TEN1: variants seen among roughly 807,000 people sequenced by gnomAD.
The protein encoded by TEN1 is CST complex subunit TEN1.
Under a neutral mutation model 9.3 loss-of-function variants are expected in TEN1, and 6 were observed. The observed-to-expected ratio is 0.65, with a 90% CI of 0.35 to 1.27. The LOEUF (loss-of-function observed/expected upper bound fraction) is 1.27, where lower values mean the gene tolerates loss of function less well. Ranked by LOEUF, TEN1 falls within the 50% of genes most tolerant of loss-of-function variation. TEN1 has a pLI of 0.03. For synonymous variants in TEN1, 65 were observed against 65.6 expected (o/e 0.99, Z 0.04); for missense variants, 149 against 158.2 (o/e 0.94, Z 0.31).
intron 3 of TEN1, among the ~76,000 whole-genome samples, chr17:75,994,162 C>G (rs553914118): frequency 6.6e-6 from 1 of 151,770 alleles, no homozygotes; most frequent in Non-Finnish European, 1.5e-5. Context: ...TCGCTGGGCG[C>G]GGTGGCTCAC....
At chr17:75,994,827 A>G (rs1208859432) in intron 3 of TEN1, among the ~76,000 whole-genome samples, 1 of 152,106 alleles carries the variant, frequency 6.6e-6, no homozygotes, top group Non-Finnish European at 1.5e-5. Context: ...GGGAACTCGA[A>G]TCAAAGATGA....
At chr17:75,987,277 A>G (rs191062850) in intron 2 of TEN1, among the ~76,000 whole-genome samples, 1 of 152,350 alleles carries the variant, frequency 6.6e-6, no homozygotes, top group East Asian at 1.9e-4. Flanking sequence ...GACTGGGGCC[A>G]GGACCTCTAC....
At chr17:75,984,323 T>C (rs1473664134) in intron 1 of TEN1, among the ~76,000 whole-genome samples, 3 of 152,200 alleles carry the variant, frequency 2.0e-5, no homozygotes, top group Non-Finnish European at 2.9e-5. Flanking sequence ...TACAATGTGT[T>C]CCTTGTTCTG....
chr17:75,983,973 C>T (rs1443415839), intron 1 of TEN1, among the ~76,000 whole-genome samples: 2 of 152,114 alleles, frequency 1.3e-5, no homozygotes, highest in African/African-American at 4.8e-5. Flanking sequence ...GCTTGTGACC[C>T]CTGGAATAAT....
chr17:75,994,130 G>GT (rs1567898424), intron 3 of TEN1, among the ~76,000 whole-genome samples: 1 of 151,136 alleles, frequency 6.6e-6, no homozygotes, highest in South Asian at 2.1e-4. Context: ...TTTTTGTGGG[G>GT]TTTTTTCTTA....
Position 76,000,093 on chromosome 17 carries a change from T to C in TEN1, c.251-48T>C. 1 of 1,539,708 alleles carries C rather than the reference T, an allele frequency of 6.5e-7. No individual in the cohort carries two copies. Among genetic ancestry groups the C allele is most frequent in the African/African-American group, 1.4e-5 (1 of 72,980 alleles). ...CTGGAATGCACCTTGGAGGACGTTGTTGACACGCCGCTCAGTCGCCGTTCG... is the reference window on the plus strand; with the variant it reads ...CTGGAATGCACCTTGGAGGACGTTGCTGACACGCCGCTCAGTCGCCGTTCG... On this transcript the variant is annotated intron_variant, in intron 3 of 3. Transcript: ENST00000397640. This position sits in a 1 kb window ranked among gnomAD's most constrained non-coding sequence, Gnocchi z 5.9.
chr17:75,994,139 T>C (rs969421410), intron 3 of TEN1, among the ~76,000 whole-genome samples: 1 of 150,752 alleles, frequency 6.6e-6, no homozygotes, highest in African/African-American at 2.4e-5. Context: ...GGTTTTTTCT[T>C]AAAACATTTT....
chr17:75,989,131 GCTCT>G (rs2066170062), intron 2 of TEN1, among the ~76,000 whole-genome samples: 1 of 146,154 alleles, frequency 6.8e-6, no homozygotes, highest in African/African-American at 2.5e-5. Context: ...ACAGAGCCTT[GCTCT>G]GTTGCCCAGG....
At chr17:75,987,959 C>T (rs1263551961) in intron 2 of TEN1, among the ~76,000 whole-genome samples, 1 of 140,908 alleles carries the variant, frequency 7.1e-6, no homozygotes, top group East Asian at 2.1e-4. Flanking sequence ...TTTAACCTAG[C>T]CTGGGTGCGG....
rs906077513 is a variant in TEN1, at chr17:75,987,844, G to A, written c.92+1560G>A. ...AGGCAGGAGAATCGCTTAAACCTAG[G>A]AGGTGGAGGTTGCAGTGAGCTGAGA... On this transcript the variant is annotated intron_variant, in intron 2 of 3. Coordinates refer to ENST00000397640, the MANE Select transcript of TEN1 (RefSeq NM_001113324.3). Among the ~76,000 whole-genome samples the A allele has an allele frequency of 2.0e-4, 30 of 148,768 alleles. 1 individual carries two copies. The highest frequency in any genetic ancestry group is 1.8e-3 in the East Asian group (9 of 5,072).
intron 3 of TEN1, 116 bp downstream of exon 3, chr17:75,991,739 T>C: frequency 3.1e-6 from 4 of 1,271,334 alleles, no homozygotes; most frequent in Non-Finnish European, 4.2e-6. Flanking sequence ...TCAGGGTTAA[T>C]GTTTCTTCCA....
intron 1 of TEN1, among the ~76,000 whole-genome samples, chr17:75,981,063 TAG>T (rs1434182863): frequency 4.6e-5 from 7 of 152,352 alleles, no homozygotes; most frequent in African/African-American, 1.7e-4. Flanking sequence ...GGGGTGTACT[TAG>T]CATTGAATAG....
At position 75,994,157 on chromosome 17, in the gene TEN1, G is replaced by C. The variant is rs187581006; in HGVS notation, c.250+2534G>C. On this transcript the variant is annotated intron_variant, in intron 3 of 3. Transcript: ENST00000397640. ...TTTTTCTTAAAACATTTTTGTCGCT[G>C]GGCGCGGTGGCTCACACCTGTAATC... Among the ~76,000 whole-genome samples the C allele has an allele frequency of 4.0e-3, 611 of 152,002 alleles. 2 individuals carry two copies. Among genetic ancestry groups the C allele is most frequent in the Non-Finnish European group, 7.1e-3 (482 of 67,990 alleles).
intron 3 of TEN1, among the ~76,000 whole-genome samples, chr17:75,993,999 AAAC>A (rs1334241150): frequency 6.6e-4 from 100 of 152,000 alleles, no homozygotes; most frequent in African/African-American, 2.0e-3. Context: ...CATCTCAAAA[AAAC>A]AACAACAGAA....
At chr17:75,994,581 G>T (rs1239924180) in intron 3 of TEN1, among the ~76,000 whole-genome samples, 1 of 151,536 alleles carries the variant, frequency 6.6e-6, no homozygotes, top group African/African-American at 2.4e-5. Flanking sequence ...AGGTTCAAGC[G>T]ATTCTCCTGC....
At chr17:75,986,478 G>A (rs1044908487) in intron 2 of TEN1, among the ~76,000 whole-genome samples, 194 bp downstream of exon 2, 1 of 152,018 alleles carries the variant, frequency 6.6e-6, no homozygotes, top group African/African-American at 2.4e-5. Flanking sequence ...GAGGTGGGTG[G>A]ATCACCTGAG....
intron 3 of TEN1, among the ~76,000 whole-genome samples, chr17:75,998,450 G>A (rs140650163): frequency 8.5e-5 from 13 of 152,174 alleles, no homozygotes; most frequent in African/African-American, 2.9e-4. Context: ...GCCACGCCCC[G>A]ATTCCTCTCT....
chr17:75,989,932 A>G (rs1257261822), intron 2 of TEN1, among the ~76,000 whole-genome samples: 1 of 150,880 alleles, frequency 6.6e-6, no homozygotes, highest in Non-Finnish European at 1.5e-5. Flanking sequence ...AAAATTATAG[A>G]GACGGCATCT....
chr17:75,999,898 C>T (rs2066243094), intron 3 of TEN1, among the ~76,000 whole-genome samples: 1 of 152,068 alleles, frequency 6.6e-6, no homozygotes, highest in South Asian at 2.1e-4. Context: ...GGGGCCTTTC[C>T]CTCAGTCCAG....
Sources: gnomAD v4.1 joint callset for allele counts (sites outside exome capture counted in the v4.1 genomes callset) on GRCh38, gnomAD v4.1.1 for gene constraint, Gnocchi (gnomAD v3.1) non-coding constraint, MANE v1.5 for transcripts, NCBI Gene and HGNC (gene_info 2026-07-23, HGNC 2026-07-21) for gene names.